ADCYAP1: variants seen among roughly 807,000 people sequenced by gnomAD.
ADCYAP1 encodes adenylate cyclase activating polypeptide 1, also known as pituitary adenylate cyclase-activating polypeptide.
A neutral mutation model predicts 18.5 loss-of-function variants in ADCYAP1; 6 were observed. The observed-to-expected ratio is 0.32, with a 90% CI of 0.18 to 0.64. The LOEUF is 0.64. Among genes scored for constraint, ADCYAP1 ranks in the 30% least tolerant of loss-of-function variants. The pLI is 0.77. For missense variants in ADCYAP1, 314 were observed against 253.6 expected (o/e 1.24, Z -1.62); for synonymous variants, 136 against 113.9 (o/e 1.19, Z -1.24).
intron 3 of ADCYAP1, 35 bp from the exon 4 acceptor site, chr18:908,230 A>T (rs1241548802): frequency 1.3e-6 from 2 of 1,581,150 alleles, no homozygotes; most frequent in Non-Finnish European, 1.7e-6. Flanking sequence ...GGACAGAAAC[A>T]GTGACCCTGG....
rs555061886 is a variant in ADCYAP1 at position 910,294 on chromosome 18, T to C, written c.*659T>C. 3 of 152,336 alleles carry C rather than the reference T, an allele frequency of 2.0e-5. No homozygotes were observed. Among genetic ancestry groups the C allele is most frequent in the African/African-American group, 7.2e-5 (3 of 41,564 alleles). The allele number at this position is 152,336 out of a possible 1,614,324, so 9.4% of individuals were successfully genotyped here. On this transcript the variant is annotated 3_prime_UTR_variant, in exon 5 of 5. Transcript: ENST00000450565. ...TGCTTTCTTTGATTCTCCTTTTATG[T>C]GTAGTTGTCTCTCTTCAGACTCTCA...
chr18:904,743 T>A (rs928179005), upstream of ADCYAP1: 1 of 1,250,862 alleles, frequency 8.0e-7, no homozygotes, highest in African/African-American at 1.5e-5. Context: ...CGGGTGGACT[T>A]ACGGCCACCT....
intron 4 of ADCYAP1, 28 bp downstream of exon 4, chr18:908,391 C>G (rs751869012): frequency 1.3e-6 from 2 of 1,594,048 alleles, no homozygotes; most frequent in Non-Finnish European, 1.7e-6. Context: ...GATTAACCTG[C>G]GCGCGCCGGG....
chr18:908,281 A>G lies in ADCYAP1; in HGVS notation c.259A>G (p.Ile87Val), dbSNP rs777202463. 1 of 1,612,382 alleles carries G rather than the reference A, an allele frequency of 6.2e-7. No individual in the cohort carries two copies. Among genetic ancestry groups the G allele is most frequent in the Non-Finnish European group, 8.5e-7 (1 of 1,179,434 alleles). Residue 87 changes from isoleucine to valine, a missense_variant, in exon 4 of 5, where the codon ATC becomes GTC. Coordinates refer to ENST00000450565, the MANE Select transcript of ADCYAP1 (RefSeq NM_001099733.2). ...CCCCGTTAGAGATGTCGCCCACGGG[A>G]TCCTTAACGAGGCCTACCGCAAAGT... ...PAGRRDVAHG[I>V]LNEAYRKVLD... is the part of the protein sequence containing the mutation.
upstream of ADCYAP1, chr18:904,812 G>T (rs1253822802): frequency 7.8e-7 from 1 of 1,285,156 alleles, no homozygotes; most frequent in Non-Finnish European, 1.0e-6. Context: ...CTCTCTCTGC[G>T]CCCCCTTCTC....
rs1192030471 is a variant in ADCYAP1 at position 911,508 on chromosome 18, C to A, written c.*1873C>A. ...TTTACGGATTTGATCAGTATGAAGT[C>A]ATAAATCAAAGAAAACAGAATTGGA... On this transcript the variant is annotated 3_prime_UTR_variant, in exon 5 of 5. Transcript: ENST00000450565. 2 of 151,674 alleles carry A rather than the reference C, an allele frequency of 1.3e-5. No individual in the cohort carries two copies. Among genetic ancestry groups the A allele is most frequent in the African/African-American group, 4.8e-5 (2 of 41,252 alleles). 9.4% of individuals were successfully genotyped at this position (151,674 alleles called of 1,614,324 possible).
Position 911,684 on chromosome 18 carries a change from T to C in ADCYAP1, c.*2049T>C, listed in dbSNP as rs888780178. 1.3e-5 allele frequency: 2 copies of C among 152,240 alleles called. No homozygotes were observed. Among genetic ancestry groups the C allele is most frequent in the African/African-American group, 4.8e-5 (2 of 41,456 alleles). The allele number at this position is 152,240 out of a possible 1,614,324, so 9.4% of individuals were successfully genotyped here. On this transcript the variant is annotated 3_prime_UTR_variant, in exon 5 of 5. Coordinates refer to ENST00000450565, the MANE Select transcript of ADCYAP1 (RefSeq NM_001099733.2). ...CAGGCAATGTGACACGGGATGCAGT[T>C]TGCAGCTTTAGTGCCTTTCTTCGCC...
chr18:911,327 C>T lies in ADCYAP1; in HGVS notation c.*1692C>T, dbSNP rs1172344624. On this transcript the variant is annotated 3_prime_UTR_variant, in exon 5 of 5. Transcript: ENST00000450565. ...ACCCAGCAATCAGATCGAGCAGCAA[C>T]AGACAAACCAGCCAGCCAATCTCCC... 2 of 149,032 alleles carry T rather than the reference C, an allele frequency of 1.3e-5. No individual in the cohort carries two copies. The highest frequency in any genetic ancestry group is 4.9e-5 in the African/African-American group (2 of 40,474). 9.2% of individuals were successfully genotyped at this position (149,032 alleles called of 1,614,324 possible).
At chr18:908,411 T>TGTGCGGGGC (rs752573601) in intron 4 of ADCYAP1, 48 bp downstream of exon 4, 2 of 1,529,952 alleles carry the variant, frequency 1.3e-6, no homozygotes. Context: ...GGTGGGTGCC[T>TGTGCGGGGC]GTGCGGGGCG....
At chr18:908,220 G>T (rs375346025) in intron 3 of ADCYAP1, 45 bp from the exon 4 acceptor site, 1 of 1,557,790 alleles carries the variant, frequency 6.4e-7, no homozygotes, top group Admixed American at 1.7e-5. Flanking sequence ...GGCCACCTGG[G>T]GACAGAAACA....
intron 4 of ADCYAP1, 68 bp downstream of exon 4, chr18:908,431 G>C: frequency 2.1e-6 from 3 of 1,402,546 alleles, no homozygotes; most frequent in African/African-American, 2.9e-5. Context: ...GCGCGGGGCG[G>C]GCGGCGGTGG....
intron 2 of ADCYAP1, chr18:905,708 C>A: frequency 1.6e-6 from 1 of 616,888 alleles, no homozygotes; most frequent in Middle Eastern, 4.4e-4. Flanking sequence ...CCTCCCCCAG[C>A]CCTAGGCAGC....
intron 1 of ADCYAP1, 42 bp from the exon 2 acceptor site, chr18:905,344 G>A (rs954774133): frequency 1.9e-6 from 3 of 1,605,432 alleles, no homozygotes; most frequent in Admixed American, 1.7e-5. Context: ...GGAGGCCAGG[G>A]GCGTTCTCAC....
chr18:909,262 G>A (rs1322481824), intron 4 of ADCYAP1, among the ~76,000 whole-genome samples, 184 bp from the exon 5 acceptor site: 1 of 152,218 alleles, frequency 6.6e-6, no homozygotes, highest in Non-Finnish European at 1.5e-5. Flanking sequence ...GGGGGGCATC[G>A]AGGGGCTGCC....
upstream of ADCYAP1, chr18:904,762 C>A (rs1443589371): frequency 1.6e-6 from 2 of 1,264,636 alleles, no homozygotes; most frequent in South Asian, 2.6e-5. Flanking sequence ...CTTGCTCCTC[C>A]GCGCTTCACC....
chr18:906,501 G>A (rs947620580), intron 2 of ADCYAP1: 2 of 152,400 alleles, frequency 1.3e-5, no homozygotes, highest in African/African-American at 4.8e-5. Flanking sequence ...TCTGTATTAG[G>A]ATTCCAGCAT....
At chr18:907,434 C>T in intron 2 of ADCYAP1, 5 of 443,942 alleles carry the variant, frequency 1.1e-5, no homozygotes, top group South Asian at 3.5e-5. Context: ...CGACCCTTTA[C>T]CCGCGAAGGG....
Position 904,900 on chromosome 18 carries a change from C to A in ADCYAP1, c.-162C>A, listed in dbSNP as rs923420674. 2.3e-6 allele frequency: 3 copies of A among 1,288,980 alleles called. No individual in the cohort carries two copies. The Admixed American group carries it at 6.9e-5, about 30-fold the overall frequency. The allele number at this position is 1,288,980 out of a possible 1,614,324, so 79.8% of individuals were successfully genotyped here. On this transcript the variant is annotated 5_prime_UTR_variant, in exon 1 of 5. Coordinates refer to ENST00000450565, the MANE Select transcript of ADCYAP1 (RefSeq NM_001099733.2). ...CACGAGCCTCGGCAAACGAGTCCCGCAGCTCCTCCTGCTGCTCCCGCTGGT... is the reference window on the plus strand; with the variant it reads ...CACGAGCCTCGGCAAACGAGTCCCGAAGCTCCTCCTGCTGCTCCCGCTGGT...
At chr18:908,777 G>A (rs149448949) in intron 4 of ADCYAP1, among the ~76,000 whole-genome samples, 280 of 152,228 alleles carry the variant, frequency 1.8e-3, no homozygotes, top group Middle Eastern at 0.017. Flanking sequence ...GGACACTTAT[G>A]GACCCAAACA....
Sources: gnomAD v4.1 joint callset for allele counts (sites outside exome capture counted in the v4.1 genomes callset) on GRCh38, gnomAD v4.1.1 for gene constraint, MANE v1.5 for transcripts, NCBI Gene and HGNC (gene_info 2026-07-23, HGNC 2026-07-21) for gene names.